LMTK2: variants seen among roughly 807,000 people sequenced by gnomAD.
LMTK2 encodes the protein lemur tail kinase 2.
LMTK2 carries 37 observed loss-of-function variants against 127.5 expected under a neutral mutation model. The ratio of observed to expected loss-of-function variants is 0.29; its 90% confidence interval spans 0.22 to 0.38. LMTK2 has a LOEUF of 0.38. Ranked by LOEUF, LMTK2 falls within the 10% of genes least tolerant of loss-of-function variation. The pLI is 1.00. For missense variants in LMTK2, 1,694 were observed against 1,920.3 expected (o/e 0.88, Z 2.20); for synonymous variants, 819 against 810.1 (o/e 1.01, Z -0.19).
rs201661777 is a variant in LMTK2 at position 98,193,245 on chromosome 7, A to G, written c.2780A>G (p.Asn927Ser). The part of the protein sequence containing the change: ...SLPELGQELH[N>S]KPFSEDHHSH... ...CCGGAACTGGGACAGGAATTGCACA[A>G]TAAACCATTTTCGGAAGACCATCAC... The change falls in exon 11 of 14, where the codon AAT becomes AGT. Residue 927 changes from asparagine to serine, a missense_variant. Around this residue, in one of 8 missense-constraint regions of LMTK2, gnomAD observed 527 missense variants for 539.8 expected, o/e 0.98. Transcript: ENST00000297293. This position sits in a 1 kb window ranked among gnomAD's most constrained non-coding sequence, Gnocchi z 4.1. 3.8e-5 allele frequency: 61 copies of G among 1,613,746 alleles called. No homozygotes were observed. Among genetic ancestry groups the G allele is most frequent in the Non-Finnish European group, 4.9e-5 (58 of 1,180,028 alleles).
chr7:98,197,149 A>G (rs1358522203), intron 11 of LMTK2, among the ~76,000 whole-genome samples: 1 of 152,250 alleles, frequency 6.6e-6, no homozygotes, highest in Non-Finnish European at 1.5e-5. Context: ...CTTAACCAGC[A>G]CTTACCGTGT....
rs771478680 is a variant in LMTK2 at position 98,193,079 on chromosome 7, A to G, written c.2614A>G (p.Thr872Ala). The G allele has an allele frequency of 9.9e-6, 16 of 1,613,536 alleles. No individual in the cohort carries two copies. Among genetic ancestry groups the G allele is most frequent in the East Asian group, 6.7e-5 (3 of 44,870 alleles). The part of the protein sequence containing the change: ...AVTVPVEILS[T>A]DARTHSLDNR... ...GACTGTCCCGGTTGAAATTCTCTCA[A>G]CTGATGCCAGAACCCACAGCCTGGA... The change falls in exon 11 of 14, where the codon ACT becomes GCT. Residue 872 changes from threonine to alanine, a missense_variant. Physicochemically the swap from Thr to Ala is moderately conservative, Grantham distance 58 (BLOSUM62 0). Coordinates refer to ENST00000297293, the MANE Select transcript of LMTK2 (RefSeq NM_014916.4). This position sits in a 1 kb window ranked among gnomAD's most constrained non-coding sequence, Gnocchi z 4.1.
At chr7:98,137,580 T>C (rs1306845705) in intron 2 of LMTK2, 138 bp downstream of exon 2, 17 of 705,758 alleles carry the variant, frequency 2.4e-5, no homozygotes, top group Non-Finnish European at 3.1e-5. Flanking sequence ...AAATATTTTC[T>C]ACCTTAGTGA....
intron 1 of LMTK2, among the ~76,000 whole-genome samples, chr7:98,132,797 A>C (rs922978616): frequency 7.9e-5 from 12 of 151,968 alleles, no homozygotes; most frequent in African/African-American, 2.9e-4. Context: ...TTTTTAATTG[A>C]ATCCCAAAAT....
At position 98,192,986 on chromosome 7, in the gene LMTK2, C is replaced by T; in HGVS notation, c.2521C>T (p.Gln841Ter). The T allele has an allele frequency of 6.2e-7, 1 of 1,614,116 alleles. No individual in the cohort carries two copies. The highest frequency in any genetic ancestry group is 8.5e-7 in the Non-Finnish European group (1 of 1,180,034). The change falls in exon 11 of 14, where the codon CAG becomes TAG. Residue 841 changes from glutamine (Q) to a stop codon, truncating the protein, a stop_gained. Transcript: ENST00000297293. LOFTEE classifies it high-confidence loss of function. The stretch of plus-strand genomic sequence containing the variant: ...CTCACTCCCAACACAGGGAGAAACC[C>T]AGCCCACGTGTTTAGATGTTATTGT... ...PDSLPTQGET[Q>*]PTCLDVIVPE...
At chr7:98,189,676 C>T (rs1032708141) in intron 9 of LMTK2, among the ~76,000 whole-genome samples, 1 of 152,078 alleles carries the variant, frequency 6.6e-6, no homozygotes, top group Admixed American at 6.6e-5. Context: ...GCAGAGACCT[C>T]GTGGAGGAAA....
At position 98,193,564 on chromosome 7, in the gene LMTK2, A is replaced by G; in HGVS notation, c.3099A>G (p.Glu1033=). ...PPDKPADSGY[E]TENLESPEWT... ...ATAAGCCGGCAGACAGTGGCTACGA[A>G]ACAGAGAACTTGGAGTCTCCCGAGT... The change falls in exon 11 of 14, where the codon GAA becomes GAG. Residue 1033 remains glutamate (E), a synonymous_variant. Transcript: ENST00000297293. The surrounding 1 kb of genome is among the most constrained non-coding windows in gnomAD (Gnocchi z 4.1). 1 of 1,614,120 alleles carries G rather than the reference A, an allele frequency of 6.2e-7. No individual in the cohort carries two copies.
chr7:98,110,250 G>T (rs1401799949), intron 1 of LMTK2, among the ~76,000 whole-genome samples: 3 of 152,138 alleles, frequency 2.0e-5, no homozygotes, highest in Admixed American at 2.0e-4. Flanking sequence ...AGCTGAAAAA[G>T]ATATTTTCTT....
At position 98,193,274 on chromosome 7, in the gene LMTK2, C is replaced by T; in HGVS notation, c.2809C>T (p.His937Tyr). The T allele has an allele frequency of 6.2e-7, 1 of 1,613,774 alleles. No individual in the cohort carries two copies. Among genetic ancestry groups the T allele is most frequent in the Non-Finnish European group, 8.5e-7 (1 of 1,180,032 alleles). The part of the protein sequence containing the change: ...NKPFSEDHHS[H>Y]RRLEKNLEAV... ...ACCATTTTCGGAAGACCATCACAGTCATCGCCGGCTAGAGAAAAACTTAGA... is the reference window on the plus strand; with the variant it reads ...ACCATTTTCGGAAGACCATCACAGTTATCGCCGGCTAGAGAAAAACTTAGA... Residue 937 changes from histidine to tyrosine, a missense_variant, in exon 11 of 14, where the codon CAT (histidine) becomes TAT (tyrosine). Around this residue, in one of 8 missense-constraint regions of LMTK2, gnomAD observed 527 missense variants for 539.8 expected, o/e 0.98. Coordinates refer to ENST00000297293, the MANE Select transcript of LMTK2 (RefSeq NM_014916.4). The surrounding 1 kb of genome is among the most constrained non-coding windows in gnomAD (Gnocchi z 4.1).
At position 98,171,538 on chromosome 7, in the gene LMTK2, C is replaced by T; in HGVS notation, c.658-3C>T. The T allele has an allele frequency of 1.2e-6, 2 of 1,614,026 alleles. No individual in the cohort carries two copies. Among genetic ancestry groups the T allele is most frequent in the Non-Finnish European group, 1.7e-6 (2 of 1,180,034 alleles). On this transcript the variant is annotated splice_region_variant and splice_polypyrimidine_tract_variant and intron_variant, in intron 6 of 13. Transcript: ENST00000297293. This position sits in a 1 kb window ranked among gnomAD's most constrained non-coding sequence, Gnocchi z 5.1. Reference sequence around the variant, plus strand: ...GGAAACTCACACGGGCTGACTTTTGCAGGGTGACCTGAAGGCGTATCTGCG... The same window carrying T: ...GGAAACTCACACGGGCTGACTTTTGTAGGGTGACCTGAAGGCGTATCTGCG...
rs564748488 is a variant in LMTK2, at chr7:98,171,993, C to T, written c.791+319C>T. 9.9e-5 allele frequency among the ~76,000 whole-genome samples: 15 copies of T among 152,216 alleles called. No individual in the cohort carries two copies. The highest frequency in any genetic ancestry group is 1.6e-4 in the Non-Finnish European group (11 of 68,038). ...TGACACCTCGCGTGTTTCATCCTTG[C>T]CACACCAGCTTTAGGCTTCTGGTGC... On this transcript the variant is annotated intron_variant, in intron 7 of 13. Coordinates refer to ENST00000297293, the MANE Select transcript of LMTK2 (RefSeq NM_014916.4). The surrounding 1 kb of genome is among the most constrained non-coding windows in gnomAD (Gnocchi z 5.1).
chr7:98,193,196 A>G lies in LMTK2; in HGVS notation c.2731A>G (p.Arg911Gly), dbSNP rs1410104457. Residue 911 changes from arginine to glycine, a missense_variant, in exon 11 of 14, where the codon AGG becomes GGG. Physicochemically the swap from Arg to Gly is moderately radical, Grantham distance 125. Transcript: ENST00000297293. The surrounding 1 kb of genome is among the most constrained non-coding windows in gnomAD (Gnocchi z 4.1). ...SVLADDILASRVSVGSSLPEL... is the reference protein window; with the variant it reads ...SVLADDILASGVSVGSSLPEL... ...TCTTGCTGATGACATCCTTGCCAGCAGGGTGAGTGTAGGGAGTAGTCTCCC... is the reference window on the plus strand; with the variant it reads ...TCTTGCTGATGACATCCTTGCCAGCGGGGTGAGTGTAGGGAGTAGTCTCCC... 24 of 1,613,664 alleles carry G rather than the reference A, an allele frequency of 1.5e-5. No individual in the cohort carries two copies. Among genetic ancestry groups the G allele is most frequent in the Non-Finnish European group, 1.7e-5 (20 of 1,180,006 alleles).
chr7:98,205,386 C>T (rs1487235094), intron 13 of LMTK2, 78 bp from the exon 14 acceptor site: 5 of 1,545,350 alleles, frequency 3.2e-6, no homozygotes, highest in Non-Finnish European at 3.6e-6. Flanking sequence ...TGGTGCAGCG[C>T]ACATGCCATC....
intron 1 of LMTK2, among the ~76,000 whole-genome samples, chr7:98,130,612 G>A (rs942803855): frequency 6.6e-6 from 1 of 152,112 alleles, no homozygotes; most frequent in African/African-American, 2.4e-5. Context: ...CATGAGGGTG[G>A]GCCTAATCCA....
chr7:98,194,445 G>T lies in LMTK2; in HGVS notation c.3980G>T (p.Gly1327Val), dbSNP rs1349700685. ...CCCATCATCCTCAGCAACGAGGACG[G>T]AAGGCACCTGCGGAGTCTGTTGAAG... ...PVPIILSNED[G>V]RHLRSLLKPT... Residue 1327 changes from glycine to valine, a missense_variant, in exon 11 of 14, where the codon GGA (glycine) becomes GTA (valine). By Grantham distance (109) the Gly-to-Val change is moderately radical. Coordinates refer to ENST00000297293, the MANE Select transcript of LMTK2 (RefSeq NM_014916.4). The surrounding 1 kb of genome is among the most constrained non-coding windows in gnomAD (Gnocchi z 5.4). 2 of 1,614,012 alleles carry T rather than the reference G, an allele frequency of 1.2e-6. No homozygotes were observed. Among genetic ancestry groups the T allele is most frequent in the Non-Finnish European group, 1.7e-6 (2 of 1,180,046 alleles).
intron 7 of LMTK2, among the ~76,000 whole-genome samples, chr7:98,183,963 A>G (rs1797392726): frequency 6.6e-6 from 1 of 152,176 alleles, no homozygotes; most frequent in Non-Finnish European, 1.5e-5. Flanking sequence ...GGAGGAAAGA[A>G]TTTTGCTGAG....
At chr7:98,124,750 A>T (rs1027440963) in intron 1 of LMTK2, among the ~76,000 whole-genome samples, 3 of 151,982 alleles carry the variant, frequency 2.0e-5, no homozygotes, top group African/African-American at 7.2e-5. Context: ...TATACCACTG[A>T]TTCCAGCCGA....
chr7:98,198,570 G>C (rs1797664975), intron 11 of LMTK2, among the ~76,000 whole-genome samples: 1 of 152,046 alleles, frequency 6.6e-6, no homozygotes, highest in South Asian at 2.1e-4. Context: ...GCTCACTGCA[G>C]CCTCCACCTC....
At chr7:98,127,791 C>CT (rs1286737658) in intron 1 of LMTK2, among the ~76,000 whole-genome samples, 1 of 152,184 alleles carries the variant, frequency 6.6e-6, no homozygotes, top group Admixed American at 6.5e-5. Context: ...CTTTGTATGC[C>CT]TGTATCAGAG....
Sources: allele counts gnomAD v4.1 joint callset (sites outside exome capture counted in the v4.1 genomes callset), GRCh38; gene constraint gnomAD v4.1.1; regional missense constraint gnomAD v4.1.1; non-coding constraint Gnocchi (gnomAD v3.1); transcripts MANE v1.5; gene names NCBI Gene and HGNC (gene_info 2026-07-23, HGNC 2026-07-21).